AUTS2: variants seen among roughly 807,000 people sequenced by gnomAD.
AUTS2 encodes the protein activator of transcription and developmental regulator AUTS2, also known as autism susceptibility gene 2 protein.
Under a neutral mutation model 112.4 loss-of-function variants are expected in AUTS2, and 17 were observed. The ratio of observed to expected loss-of-function variants is 0.15; its 90% CI spans 0.10 to 0.23. The LOEUF is 0.23. AUTS2 is among the 10% of genes least tolerant of loss of function. The pLI is 1.00. For missense variants in AUTS2, 1,510 were observed against 1,701.6 expected (o/e 0.89, Z 1.98); for synonymous variants, 751 against 702.7 (o/e 1.07, Z -1.09).
At position 69,598,945 on chromosome 7, in the gene AUTS2, CTAA is replaced by C. The variant is rs1158584670; in HGVS notation, c.-707_-705del. ...GCTCGCAGTTTCGCCCTCTCTTCCG[CTAA>C]TGATTGCATTATTATGCTCCCCTCT... On this transcript the variant is annotated 5_prime_UTR_variant, in exon 1 of 19. The change abolishes an upstream ATG in the 5' untranslated region. Transcript: ENST00000342771. 1 of 153,744 alleles carries C rather than the reference CTAA, an allele frequency of 6.5e-6. No homozygotes were observed. Among genetic ancestry groups the C allele is most frequent in the African/African-American group, 2.4e-5 (1 of 41,484 alleles). The allele number at this position is 153,744 out of a possible 1,614,324, so 9.5% of individuals were successfully genotyped here. A position where few individuals can be genotyped will look rare whatever the true frequency, so the allele number is the denominator to read the frequency against.
chr7:69,667,496 C>T (rs535656456), intron 1 of AUTS2, among the ~76,000 whole-genome samples: 1 of 151,982 alleles, frequency 6.6e-6, no homozygotes, highest in East Asian at 1.9e-4. Flanking sequence ...GTTGGGATTA[C>T]AGGTGCACGC....
At chr7:69,697,019 A>G (rs920098091) in intron 1 of AUTS2, among the ~76,000 whole-genome samples, 4 of 152,230 alleles carry the variant, frequency 2.6e-5, no homozygotes, top group Non-Finnish European at 5.9e-5. Context: ...GCTGTAACGT[A>G]TGTGTATGCA....
chr7:70,203,770 C>A (rs1810426033), intron 4 of AUTS2, among the ~76,000 whole-genome samples: 1 of 148,572 alleles, frequency 6.7e-6, no homozygotes, highest in South Asian at 2.2e-4. Context: ...AACAACTCCC[C>A]AAATAAAAAT....
At chr7:69,758,431 A>T (rs1788030299) in intron 1 of AUTS2, among the ~76,000 whole-genome samples, 1 of 152,182 alleles carries the variant, frequency 6.6e-6, no homozygotes, top group African/African-American at 2.4e-5. Flanking sequence ...ATCAGGGATA[A>T]ACCTTAGGCT....
In AUTS2 at chr7:70,462,158, G is replaced by A. The variant is rs565921865; in HGVS notation, c.690+26377G>A. Among the ~76,000 whole-genome samples, 21 of 152,090 alleles carry A rather than the reference G, an allele frequency of 1.4e-4. No homozygotes were observed. In the East Asian group the frequency reaches 1.7e-3, roughly 13 times the overall value. ...TCCCAGCTACTCAGGAGGCTGAGGC[G>A]GGAGAATCACTTGAACCTGGATGGC... On this transcript the variant is annotated intron_variant, in intron 5 of 18. Transcript: ENST00000342771.
chr7:69,765,082 G>A (rs554196773), intron 1 of AUTS2, among the ~76,000 whole-genome samples: 13 of 152,330 alleles, frequency 8.5e-5, no homozygotes, highest in African/African-American at 3.1e-4. Flanking sequence ...CTTATCTCTT[G>A]ATCTGCTGCA....
At chr7:70,389,997 C>T (rs866505618) in intron 4 of AUTS2, among the ~76,000 whole-genome samples, 4 of 152,148 alleles carry the variant, frequency 2.6e-5, no homozygotes, top group African/African-American at 4.8e-5. Context: ...TCATCTTCAC[C>T]GTAGCCACCT....
chr7:70,496,180 CACA>C (rs1798487376), intron 5 of AUTS2, among the ~76,000 whole-genome samples: 1 of 140,552 alleles, frequency 7.1e-6, no homozygotes, highest in Non-Finnish European at 1.6e-5. Context: ...CACACACACA[CACA>C]CCCCACACAT....
chr7:69,753,012 C>CAT (rs1265373966), intron 1 of AUTS2, among the ~76,000 whole-genome samples: 1 of 152,160 alleles, frequency 6.6e-6, no homozygotes, highest in Non-Finnish European at 1.5e-5. Context: ...TAGAATGAAG[C>CAT]ATAGTGTTTA....
intron 1 of AUTS2, among the ~76,000 whole-genome samples, chr7:69,650,040 A>G: frequency 6.6e-6 from 1 of 152,136 alleles, no homozygotes; most frequent in East Asian, 1.9e-4. Flanking sequence ...TACACTGTGG[A>G]TGGTTGGAGA....
chr7:69,936,654 A>G (rs1796425700), intron 2 of AUTS2, among the ~76,000 whole-genome samples: 1 of 152,144 alleles, frequency 6.6e-6, no homozygotes, highest in South Asian at 2.1e-4. Flanking sequence ...TGGCTGGGAC[A>G]TACAGATATT....
At chr7:70,189,472 T>TA (rs1299674998) in intron 4 of AUTS2, among the ~76,000 whole-genome samples, 1 of 152,192 alleles carries the variant, frequency 6.6e-6, no homozygotes, top group African/African-American at 2.4e-5. Flanking sequence ...GCCAAATACA[T>TA]ATTTCATGAG....
At chr7:70,163,153 T>C (rs758522652) in intron 4 of AUTS2, among the ~76,000 whole-genome samples, 1 of 151,712 alleles carries the variant, frequency 6.6e-6, no homozygotes, top group Non-Finnish European at 1.5e-5. Context: ...GCTATGAGGT[T>C]TGGTTTAGAT....
intron 4 of AUTS2, among the ~76,000 whole-genome samples, chr7:70,186,800 C>T (rs1049839078): frequency 2.0e-5 from 3 of 152,146 alleles, no homozygotes; most frequent in African/African-American, 7.2e-5. Context: ...AACTCCTGAC[C>T]TCAGGTGATC....
chr7:69,782,380 T>C (rs1789180797), intron 1 of AUTS2, among the ~76,000 whole-genome samples: 2 of 148,906 alleles, frequency 1.3e-5, no homozygotes, highest in Admixed American at 6.8e-5. Context: ...TTTTTTTTTT[T>C]GTTTCTTTTT....
At chr7:70,656,713 C>T (rs913161100) in intron 5 of AUTS2, among the ~76,000 whole-genome samples, 2 of 152,202 alleles carry the variant, frequency 1.3e-5, no homozygotes, top group Non-Finnish European at 2.9e-5. Flanking sequence ...TGTCCTGTTT[C>T]TAGCACTTAA....
chr7:70,480,412 A>G (rs1797746921), intron 5 of AUTS2, among the ~76,000 whole-genome samples: 1 of 152,238 alleles, frequency 6.6e-6, no homozygotes, highest in Non-Finnish European at 1.5e-5. Flanking sequence ...CTACATGGCC[A>G]TATCCTTGCA....
intron 5 of AUTS2, among the ~76,000 whole-genome samples, chr7:70,538,032 T>C (rs561467528): frequency 6.6e-6 from 1 of 152,222 alleles, no homozygotes; most frequent in East Asian, 1.9e-4. Context: ...GGCCAGGAGT[T>C]TGAGACTAGC....
chr7:69,935,641 C>A (rs1168463844), intron 2 of AUTS2, among the ~76,000 whole-genome samples: 1 of 151,970 alleles, frequency 6.6e-6, no homozygotes, highest in African/African-American at 2.4e-5. Flanking sequence ...AGCTAATACT[C>A]CCCAGGCATA....
Sources: gnomAD v4.1 joint callset for allele counts (sites outside exome capture counted in the v4.1 genomes callset) on GRCh38, gnomAD v4.1.1 for gene constraint, MANE v1.5 for transcripts, NCBI Gene and HGNC (gene_info 2026-07-23, HGNC 2026-07-21) for gene names.